The following CA2 variants were observed in gnomAD, a reference collection of about 807,000 sequenced individuals.
The protein encoded by CA2 is carbonate dehydratase II.
Under a neutral mutation model 27.8 loss-of-function variants are expected in CA2, and 23 were observed. That is an observed-to-expected ratio of 0.83 (90% CI 0.59 to 1.17). The LOEUF (loss-of-function observed/expected upper bound fraction) is 1.17. Ranked by LOEUF, CA2 falls within the 50% of genes most tolerant of loss-of-function variation. The pLI is 0.00. For missense variants in CA2, 300 were observed against 314.7 expected, an observed-to-expected ratio of 0.95 and a Z score of 0.35; for synonymous variants, 99 against 114.9, an observed-to-expected ratio of 0.86 and a Z score of 0.88.
intron 4 of CA2, among the ~76,000 whole-genome samples, chr8:85,475,015 A>T (rs1811770081): frequency 6.6e-6 from 1 of 152,098 alleles, no homozygotes; most frequent in African/African-American, 2.4e-5. Context: ...CAAATTAAAC[A>T]ACTTAAAAGG....
rs1214196797 is a variant in CA2, at chr8:85,480,867, T to C, written c.*78T>C. ...GCTAAGCACAGATCTACCTTGGTGA[T>C]TTGGACCCTGGTTGCTTTGTGTCTA... On this transcript the variant is annotated 3_prime_UTR_variant, in exon 7 of 7. Coordinates refer to ENST00000285379, the MANE Select transcript of CA2 (RefSeq NM_000067.3). 1 of 1,508,474 alleles carries C rather than the reference T, an allele frequency of 6.6e-7. No homozygotes were observed. The highest frequency in any genetic ancestry group is 9.2e-7 in the Non-Finnish European group (1 of 1,088,730). 93.4% of individuals were successfully genotyped at this position (1,508,474 alleles called of 1,614,324 possible).
chr8:85,470,506 G>C (rs946082682), intron 2 of CA2, among the ~76,000 whole-genome samples: 1 of 152,066 alleles, frequency 6.6e-6, no homozygotes, highest in Admixed American at 6.5e-5. Flanking sequence ...TCTTTAGTCT[G>C]TTACTCCAGT....
chr8:85,464,310 C>T (rs988864699), intron 1 of CA2, 195 bp downstream of exon 1: 8 of 485,786 alleles, frequency 1.6e-5, no homozygotes, highest in East Asian at 1.1e-4. Flanking sequence ...GGGATGTCCC[C>T]CTTGCCCCAG....
At chr8:85,467,218 T>C (rs1395336024) in intron 2 of CA2, among the ~76,000 whole-genome samples, 1 of 152,200 alleles carries the variant, frequency 6.6e-6, no homozygotes, top group Non-Finnish European at 1.5e-5. Context: ...GTAATATGTA[T>C]TACTGGAAAG....
intron 2 of CA2, among the ~76,000 whole-genome samples, chr8:85,468,474 G>A (rs997869057): frequency 1.3e-5 from 2 of 152,190 alleles, no homozygotes; most frequent in African/African-American, 2.4e-5. Context: ...CATACCATGT[G>A]GGGGACAGGC....
In CA2 at chr8:85,464,025, AGCC is replaced by A; in HGVS notation, c.-47_-45del. 7 of 1,523,828 alleles carry A rather than the reference AGCC, an allele frequency of 4.6e-6. No individual in the cohort carries two copies. Among genetic ancestry groups the A allele is most frequent in the East Asian group, 2.5e-5 (1 of 40,422 alleles). 94.4% of individuals were successfully genotyped at this position (1,523,828 alleles called of 1,614,324 possible). On this transcript the variant is annotated 5_prime_UTR_variant, in exon 1 of 7. Coordinates refer to ENST00000285379, the MANE Select transcript of CA2 (RefSeq NM_000067.3). ...CGCGGACACACAGTGCAGGCGCCCAAGCCGCCGCCGCCAGATCGGTGCCGATTC... is the reference window on the plus strand; with the variant it reads ...CGCGGACACACAGTGCAGGCGCCCAAGCCGCCGCCAGATCGGTGCCGATTC...
chr8:85,471,082 A>C (rs1325401971), intron 2 of CA2, among the ~76,000 whole-genome samples: 4 of 152,180 alleles, frequency 2.6e-5, no homozygotes, highest in African/African-American at 9.6e-5. Flanking sequence ...ATATAGCATA[A>C]AGTCCCTAAC....
rs1476436707 is a variant in CA2, at chr8:85,474,432, A to C, written c.444+16A>C. The C allele has an allele frequency of 6.4e-7, 1 of 1,568,332 alleles. No homozygotes were observed. The highest frequency in any genetic ancestry group is 1.7e-5 in the Admixed American group (1 of 59,958). The stretch of plus-strand genomic sequence containing the variant: ...TTTTTTGAAGGTTAGTTGATGACCC[A>C]ATTCTTTTTTTTCCCTATTTTTAAT... On this transcript the variant is annotated intron_variant, in intron 4 of 6. Coordinates refer to ENST00000285379, the MANE Select transcript of CA2 (RefSeq NM_000067.3).
At chr8:85,465,719 A>G (rs535679070) in intron 2 of CA2, among the ~76,000 whole-genome samples, 1 of 152,322 alleles carries the variant, frequency 6.6e-6, no homozygotes, top group South Asian at 2.1e-4. Context: ...TAACTGCGAT[A>G]TGCCTGTGAA....
Position 85,480,917 on chromosome 8 carries a change from C to T in CA2, c.*128C>T. 2.3e-6 allele frequency: 2 copies of T among 876,230 alleles called. No homozygotes were observed. Among genetic ancestry groups the T allele is most frequent in the Non-Finnish European group, 3.7e-6 (2 of 542,130 alleles). The allele number at this position is 876,230 out of a possible 1,614,324, so 54.3% of individuals were successfully genotyped here. A position where few individuals can be genotyped will look rare whatever the true frequency, so the allele number is the denominator to read the frequency against. ...AGTTTTCTAGACCCTTCATCTCTTA[C>T]TTGATAGACTTACTAATAAAATGTG... On this transcript the variant is annotated 3_prime_UTR_variant, in exon 7 of 7. Coordinates refer to ENST00000285379, the MANE Select transcript of CA2 (RefSeq NM_000067.3).
At chr8:85,474,871 T>G (rs1467838181) in intron 4 of CA2, among the ~76,000 whole-genome samples, 1 of 152,132 alleles carries the variant, frequency 6.6e-6, no homozygotes, top group Non-Finnish European at 1.5e-5. Context: ...TGAGCTCTGA[T>G]TCATATGTTG....
intron 3 of CA2, 75 bp downstream of exon 3, chr8:85,473,886 T>A: frequency 1.1e-6 from 1 of 912,782 alleles, no homozygotes; most frequent in Non-Finnish European, 1.8e-6. Context: ...TTCAAAAGCT[T>A]AATTTGTAAA....
chr8:85,474,556 C>T (rs1811762396), intron 4 of CA2, 140 bp downstream of exon 4: 1 of 727,332 alleles, frequency 1.4e-6, no homozygotes, highest in South Asian at 1.5e-5. Flanking sequence ...TTTATCTCCT[C>T]CTTTCATATC....
rs74851513 is a variant in CA2 at position 85,469,779 on chromosome 8, T to C, written c.233-3914T>C. Among the ~76,000 whole-genome samples, 9 of 147,504 alleles carry C rather than the reference T, an allele frequency of 6.1e-5. No individual in the cohort carries two copies. In the East Asian group the frequency reaches 1.8e-3, roughly 29 times the overall value. ...CCAAGTCTTACATCATTTCTGTTTT[T>C]CAGAAATTGGAATTTTTTAAATCTG... On this transcript the variant is annotated intron_variant, in intron 2 of 6. Coordinates refer to ENST00000285379, the MANE Select transcript of CA2 (RefSeq NM_000067.3).
rs957711602 is a variant in CA2, at chr8:85,464,070, G to T, written c.-12G>T. The T allele has an allele frequency of 1.9e-6, 3 of 1,547,402 alleles. No individual in the cohort carries two copies. Among genetic ancestry groups the T allele is most frequent in the Non-Finnish European group, 2.6e-6 (3 of 1,149,272 alleles). On this transcript the variant is annotated 5_prime_UTR_variant, in exon 1 of 7. Transcript: ENST00000285379. ...TGCCGATTCCTGCCCTGCCCCGACC[G>T]CCAGCGCGACCATGTCCCATCACTG...
chr8:85,471,510 G>A (rs1191147681), intron 2 of CA2, among the ~76,000 whole-genome samples: 1 of 151,972 alleles, frequency 6.6e-6, no homozygotes, highest in East Asian at 1.9e-4. Flanking sequence ...GTTAGAGAAA[G>A]AATAAGAAAC....
In CA2 at chr8:85,475,371, T is replaced by TAAAAA. The variant is rs3070396; in HGVS notation, c.445-406_445-402dup. 7.7e-4 allele frequency among the ~76,000 whole-genome samples: 32 copies of TAAAAA among 41,352 alleles called. 8 individuals are homozygous for TAAAAA. The highest frequency in any genetic ancestry group is 6.7e-3 in the South Asian group (3 of 446). The allele number at this position is 41,352 out of a possible 152,430, so 27.1% of individuals were successfully genotyped here. Reference sequence around the variant, plus strand: ...GGATGACAGAGCAAGACTCTGACTCTAAAAAAAAAAAAAAAAAAAAAAAAA... The same window carrying TAAAAA: ...GGATGACAGAGCAAGACTCTGACTCTAAAAAAAAAAAAAAAAAAAAAAAAAAAAAA... On this transcript the variant is annotated intron_variant, in intron 4 of 6. Transcript: ENST00000285379.
At chr8:85,464,355 C>T in intron 1 of CA2, 1 of 445,522 alleles carries the variant, frequency 2.2e-6, no homozygotes, top group South Asian at 4.5e-5. Flanking sequence ...CCCGCGTCCG[C>T]CGGAGGCGCG....
intron 2 of CA2, among the ~76,000 whole-genome samples, chr8:85,473,184 C>G (rs1191464770): frequency 2.0e-5 from 3 of 152,024 alleles, no homozygotes; most frequent in African/African-American, 7.2e-5. Context: ...TGTCTAAGAA[C>G]TGGTATCAGA....
Sources: allele counts gnomAD v4.1 joint callset (sites outside exome capture counted in the v4.1 genomes callset), GRCh38; gene constraint gnomAD v4.1.1; transcripts MANE v1.5; gene names NCBI Gene and HGNC (gene_info 2026-07-23, HGNC 2026-07-21).